Variants in ENPP2 observed in about 807,000 individuals in gnomAD.
The protein encoded by ENPP2 is autotaxin.
ENPP2 carries 51 observed loss-of-function variants against 120.2 expected under a neutral mutation model. That is an observed-to-expected ratio of 0.42 (90% confidence interval 0.34 to 0.54). The LOEUF (loss-of-function observed/expected upper bound fraction) is 0.54, where lower values mean the gene tolerates loss of function less well. Among genes scored for constraint, ENPP2 ranks in the 20% least tolerant of loss-of-function variants. The probability of loss-of-function intolerance (pLI) is 0.04; values close to 1 mark genes in which losing one functional copy is unlikely to be tolerated. For missense variants in ENPP2, 920 were observed against 1,066.5 expected, an observed-to-expected ratio of 0.86 and a Z score of 1.91; for synonymous variants, 365 against 366.4, an observed-to-expected ratio of 1.00 and a Z score of 0.04.
At chr8:119,603,613 A>G (rs549129424) in intron 9 of ENPP2, among the ~76,000 whole-genome samples, 1 of 152,350 alleles carries the variant, frequency 6.6e-6, no homozygotes, top group South Asian at 2.1e-4. Context: ...GTAAAGGTGA[A>G]AAGAGAATAC....
At chr8:119,657,079 C>G (rs1466055308) in intron 1 of ENPP2, among the ~76,000 whole-genome samples, 1 of 152,068 alleles carries the variant, frequency 6.6e-6, no homozygotes, top group Non-Finnish European at 1.5e-5. Context: ...AGGCACCCAC[C>G]ATGCCCGGCT....
At chr8:119,595,419 A>C (rs1427471493) in intron 11 of ENPP2, among the ~76,000 whole-genome samples, 1 of 151,980 alleles carries the variant, frequency 6.6e-6, no homozygotes, top group African/African-American at 2.4e-5. Context: ...ACCTTTTCTG[A>C]TCTCTGAAGG....
At chr8:119,634,641 G>C (rs1305487370) in intron 2 of ENPP2, among the ~76,000 whole-genome samples, 1 of 152,054 alleles carries the variant, frequency 6.6e-6, no homozygotes, top group Non-Finnish European at 1.5e-5. Flanking sequence ...GCCAAGGCCT[G>C]GATAAAATTT....
chr8:119,627,367 G>C (rs934432955), intron 2 of ENPP2, among the ~76,000 whole-genome samples: 3 of 151,864 alleles, frequency 2.0e-5, no homozygotes, highest in Non-Finnish European at 4.4e-5. Flanking sequence ...ACTAAAATTT[G>C]GGGAAAAAAA....
At position 119,569,984 on chromosome 8, in the gene ENPP2, C is replaced by T. The variant is rs550847250; in HGVS notation, c.1918-614G>A. ...ACATAAAACTTTTGTTAAAAAACAACAGGGCCAGGCGTGGTGGCTCATGCC... is the reference window on the plus strand; with the variant it reads ...ACATAAAACTTTTGTTAAAAAACAATAGGGCCAGGCGTGGTGGCTCATGCC... On this transcript the variant is annotated intron_variant, in intron 20 of 24. Coordinates refer to ENST00000075322, the MANE Select transcript of ENPP2 (RefSeq NM_001040092.3). Among the ~76,000 whole-genome samples the T allele has an allele frequency of 7.3e-4, 111 of 152,112 alleles. 1 individual carries two copies. Among genetic ancestry groups the T allele is most frequent in the Admixed American group, 1.3e-3 (20 of 15,284 alleles).
chr8:119,608,883 T>C (rs1327096839), intron 8 of ENPP2, among the ~76,000 whole-genome samples: 1 of 152,210 alleles, frequency 6.6e-6, no homozygotes, highest in African/African-American at 2.4e-5. Context: ...TATGCAATAA[T>C]GGAAATAAAT....
At chr8:119,636,619 A>C (rs1817014274) in intron 2 of ENPP2, among the ~76,000 whole-genome samples, 1 of 152,208 alleles carries the variant, frequency 6.6e-6, no homozygotes, top group South Asian at 2.1e-4. Context: ...CTTTTCTAGA[A>C]GTGGCATTTA....
At chr8:119,587,113 C>G (rs1813169154) in intron 13 of ENPP2, 38 bp from the exon 14 acceptor site, 6 of 1,539,262 alleles carry the variant, frequency 3.9e-6, no homozygotes, top group Non-Finnish European at 5.3e-6. Flanking sequence ...AAAGAAATAA[C>G]AACCATTACC....
intron 24 of ENPP2, among the ~76,000 whole-genome samples, chr8:119,562,465 T>C (rs955412980): frequency 6.6e-6 from 1 of 152,178 alleles, no homozygotes; most frequent in Admixed American, 6.6e-5. Flanking sequence ...TGGAAATTTT[T>C]AAACATCCAG....
At chr8:119,599,934 G>A (rs577012878) in intron 11 of ENPP2, among the ~76,000 whole-genome samples, 11 of 151,366 alleles carry the variant, frequency 7.3e-5, no homozygotes, top group Non-Finnish European at 1.6e-4. Context: ...TTGAACCTGG[G>A]AGGTGGAGGT....
chr8:119,598,213 T>C (rs16892846), intron 11 of ENPP2, among the ~76,000 whole-genome samples: 5,612 of 152,172 alleles, frequency 0.037, 348 homozygotes, highest in African/African-American at 0.13. Context: ...TAGAACCAGA[T>C]GAGAAATAAT....
chr8:119,570,054 A>G (rs1360543541), intron 20 of ENPP2, among the ~76,000 whole-genome samples: 1 of 152,146 alleles, frequency 6.6e-6, no homozygotes, highest in African/African-American at 2.4e-5. Context: ...AGATCACCTG[A>G]GGTCAGGAGT....
At chr8:119,668,337 T>C (rs1402139950) in intron 1 of ENPP2, among the ~76,000 whole-genome samples, 2 of 152,134 alleles carry the variant, frequency 1.3e-5, no homozygotes, top group Non-Finnish European at 2.9e-5. Context: ...GATACAATTG[T>C]TCTAAATATG....
At chr8:119,638,306 G>A in intron 2 of ENPP2, 119 bp downstream of exon 2, 1 of 599,240 alleles carries the variant, frequency 1.7e-6, no homozygotes. Flanking sequence ...AGAAATTTAG[G>A]ACTAACTTAG....
chr8:119,575,850 A>T (rs900246573), intron 19 of ENPP2, among the ~76,000 whole-genome samples: 5 of 152,214 alleles, frequency 3.3e-5, no homozygotes, highest in Admixed American at 2.6e-4. Context: ...GTTAAAATTC[A>T]ATCTACCATC....
intron 2 of ENPP2, among the ~76,000 whole-genome samples, chr8:119,630,170 G>A (rs1234118621): frequency 6.6e-6 from 1 of 151,384 alleles, no homozygotes; most frequent in Non-Finnish European, 1.5e-5. Flanking sequence ...GTGCAATGGT[G>A]TGATCTCGGC....
chr8:119,592,720 C>T (rs935933932), intron 12 of ENPP2, among the ~76,000 whole-genome samples: 1 of 151,198 alleles, frequency 6.6e-6, no homozygotes, highest in South Asian at 2.1e-4. Context: ...CATGCTCCAA[C>T]TTCTCTGACC....
chr8:119,570,631 T>C (rs16892786), intron 20 of ENPP2, 74 bp downstream of exon 20: 89,848 of 777,548 alleles, frequency 0.12, 5,785 homozygotes, highest in South Asian at 0.16. Context: ...AAAATTCTGT[T>C]AAGCAAGGAA....
chr8:119,634,716 A>G (rs981581363), intron 2 of ENPP2, among the ~76,000 whole-genome samples: 2 of 152,178 alleles, frequency 1.3e-5, no homozygotes, highest in African/African-American at 4.8e-5. Flanking sequence ...ACTTTTGTAC[A>G]TAGTTTTCAA....
Sources: allele counts gnomAD v4.1 joint callset (sites outside exome capture counted in the v4.1 genomes callset), GRCh38; gene constraint gnomAD v4.1.1; transcripts MANE v1.5; gene names NCBI Gene and HGNC (gene_info 2026-07-23, HGNC 2026-07-21).